The following MYO1F variants were observed in gnomAD, a reference collection of about 807,000 sequenced individuals.
The protein encoded by MYO1F is unconventional myosin-If.
In MYO1F, 60 loss-of-function variants were observed where a neutral mutation model predicts 146.6. The ratio of observed to expected loss-of-function variants is 0.41; its 90% CI spans 0.33 to 0.51. MYO1F has a LOEUF of 0.51. Among genes scored for constraint, MYO1F ranks in the 20% least tolerant of loss-of-function variants. The pLI, the probability that MYO1F is intolerant of heterozygous loss-of-function variation, is 0.25. For synonymous variants in MYO1F, 602 were observed against 602.1 expected (o/e 1.00, Z 0.00); for missense variants, 1,274 against 1,534.3 (o/e 0.83, Z 2.83).
At chr19:8,539,923 C>G in intron 16 of MYO1F, 24 bp downstream of exon 16, 1 of 1,608,378 alleles carries the variant, frequency 6.2e-7, no homozygotes, top group Non-Finnish European at 8.5e-7. Context: ...AGGCCCAGCT[C>G]CCCGTTGTAC....
At chr19:8,537,375 T>A (rs1972772325) in intron 16 of MYO1F, among the ~76,000 whole-genome samples, 1 of 152,186 alleles carries the variant, frequency 6.6e-6, no homozygotes, top group Admixed American at 6.6e-5. Context: ...ACAGAGCCCT[T>A]ATGAGAGCAT....
At chr19:8,545,208 C>T (rs1477423334) in intron 13 of MYO1F, among the ~76,000 whole-genome samples, 1 of 152,090 alleles carries the variant, frequency 6.6e-6, no homozygotes, top group African/African-American at 2.4e-5. Context: ...CCACCTCAGC[C>T]TTCCGGGTAG....
intron 1 of MYO1F, among the ~76,000 whole-genome samples, chr19:8,576,123 T>C (rs1555733770): frequency 2.6e-5 from 4 of 152,180 alleles, no homozygotes; most frequent in Admixed American, 6.5e-5. Context: ...CAGCCTCATA[T>C]GTAGCTGGGA....
At chr19:8,535,804 T>C (rs139854706) in intron 19 of MYO1F, among the ~76,000 whole-genome samples, 3,729 of 152,092 alleles carry the variant, frequency 0.025, 84 homozygotes, top group African/African-American at 0.061. Context: ...CTCAGCCTCC[T>C]GAGTAGCTGG....
rs558140748 is a variant in MYO1F, at chr19:8,576,831, T to C, written c.3+476A>G. On this transcript the variant is annotated intron_variant, in intron 1 of 27. Coordinates refer to ENST00000644032, the MANE Select transcript of MYO1F (RefSeq NM_012335.4). ...TGGCAGAACCCACAGACCTTGAGAA[T>C]GTTGCAACTGAAAGACCCCTGAAGA... The C allele has an allele frequency of 2.0e-3, 415 of 206,276 alleles. 2 individuals carry two copies. Among genetic ancestry groups the C allele is most frequent in the Non-Finnish European group, 2.5e-3 (244 of 98,912 alleles). 12.8% of individuals were successfully genotyped at this position (206,276 alleles called of 1,614,324 possible). A position where few individuals can be genotyped will look rare whatever the true frequency, so the allele number is the denominator to read the frequency against.
At chr19:8,522,226 G>GT (rs1972087906) in intron 27 of MYO1F, 151 bp downstream of exon 27, 2 of 990,508 alleles carry the variant, frequency 2.0e-6, no homozygotes, top group Admixed American at 4.0e-5. Flanking sequence ...GTTTCACTGT[G>GT]TTAGCCAGGA....
chr19:8,526,703 C>G, intron 23 of MYO1F, 86 bp downstream of exon 23: 1 of 1,531,574 alleles, frequency 6.5e-7, no homozygotes, highest in Non-Finnish European at 8.8e-7. Context: ...GGGGCCGAAG[C>G]GCAGTTCGGC....
chr19:8,551,659 G>A (rs1018131832), intron 8 of MYO1F, 81 bp downstream of exon 8: 22 of 1,603,984 alleles, frequency 1.4e-5, no homozygotes, highest in African/African-American at 1.3e-4. Context: ...CCTGGGCTTC[G>A]GTTTCCTAAT....
rs1161375442 is a variant in MYO1F, at chr19:8,522,830, C to A, written c.2855-1G>T. The A allele has an allele frequency of 6.4e-7, 1 of 1,562,222 alleles. No individual in the cohort carries two copies. The highest frequency in any genetic ancestry group is 1.9e-5 in the Admixed American group (1 of 52,926). ...GGGGGCACCCCATTGCGATCCATGC[C>A]TGTGGCAGGAGCAAGGATGAAGACA... On this transcript the variant is annotated splice_acceptor_variant, in intron 25 of 27. Coordinates refer to ENST00000644032, the MANE Select transcript of MYO1F (RefSeq NM_012335.4). LOFTEE classifies it high-confidence loss of function.
intron 6 of MYO1F, 92 bp from the exon 7 acceptor site, chr19:8,552,256 T>G: frequency 7.5e-7 from 1 of 1,331,614 alleles, no homozygotes; most frequent in African/African-American, 1.5e-5. Context: ...TTGCCTCTCT[T>G]CCCTTCTTCC....
chr19:8,544,031 G>GGTGGCGGTGGCA lies in MYO1F; in HGVS notation c.1524+265_1524+266insTGCCACCGCCAC, dbSNP rs1555724093. ...CGGTGGCGGTGGCGGTGGCGGTGGC[G>GGTGGCGGTGGCA]GTGGCGGTGCTGGTGGTGGTGGTGG... On this transcript the variant is annotated intron_variant, in intron 14 of 27. Coordinates refer to ENST00000644032, the MANE Select transcript of MYO1F (RefSeq NM_012335.4). 219 of 531,908 alleles carry GGTGGCGGTGGCA rather than the reference G, an allele frequency of 4.1e-4. 10 individuals carry two copies. Among genetic ancestry groups the GGTGGCGGTGGCA allele is most frequent in the East Asian group, 3.9e-3 (112 of 28,812 alleles). 32.9% of individuals were successfully genotyped at this position (531,908 alleles called of 1,614,324 possible).
intron 4 of MYO1F, among the ~76,000 whole-genome samples, chr19:8,553,924 G>GCTCTCTTTCT (rs1973733289): frequency 1.5e-5 from 1 of 67,098 alleles, no homozygotes; most frequent in African/African-American, 4.6e-5. Flanking sequence ...TCTCTCTCTC[G>GCTCTCTTTCT]CTCTCTTTCT....
At chr19:8,555,475 GGGA>G in intron 2 of MYO1F, 181 bp downstream of exon 2, 3 of 702,186 alleles carry the variant, frequency 4.3e-6, no homozygotes, top group Non-Finnish European at 7.2e-6. Context: ...CCAGGACAGA[GGGA>G]GCAGTGGCAG....
chr19:8,527,247 G>C lies in MYO1F; in HGVS notation c.2474+91C>G, dbSNP rs368755221. 126 of 1,557,570 alleles carry C rather than the reference G, an allele frequency of 8.1e-5. 2 individuals carry two copies. In the East Asian group the frequency reaches 1.3e-3, roughly 16 times the overall value. ...GGGCTACAGGCATGGCACCAGGTAA[G>C]ATTGTCAGGGTAACAGACGGGGTCA... On this transcript the variant is annotated intron_variant, in intron 22 of 27. Transcript: ENST00000644032.
intron 1 of MYO1F, among the ~76,000 whole-genome samples, chr19:8,561,428 T>TC (rs1301849211): frequency 1.7e-4 from 19 of 113,514 alleles, no homozygotes; most frequent in African/African-American, 5.8e-4. Flanking sequence ...CCTTCCTTTC[T>TC]CCTCTCCCTC....
rs59301382 is a variant in MYO1F, at chr19:8,555,469, G to A, written c.141+190C>T. On this transcript the variant is annotated intron_variant, in intron 2 of 27. Coordinates refer to ENST00000644032, the MANE Select transcript of MYO1F (RefSeq NM_012335.4). ...ACACGCTGGGGCTGAGCTTCCCCAG[G>A]ACAGAGGGAGCAGTGGCAGCCACAG... 2.5e-3 allele frequency: 1,625 copies of A among 649,998 alleles called. 21 individuals are homozygous for A. The African/African-American group carries it at 0.027, about 11-fold the overall frequency. The allele number at this position is 649,998 out of a possible 1,614,324, so 40.3% of individuals were successfully genotyped here. A position where few individuals can be genotyped will look rare whatever the true frequency, so the allele number is the denominator to read the frequency against.
intron 25 of MYO1F, among the ~76,000 whole-genome samples, chr19:8,523,477 A>G (rs927717087): frequency 1.3e-5 from 2 of 151,690 alleles, no homozygotes; most frequent in African/African-American, 4.8e-5. Flanking sequence ...TTTTAAGGGG[A>G]GCTGGGACTA....
intron 12 of MYO1F, 111 bp from the exon 13 acceptor site, chr19:8,545,847 C>A: frequency 1.2e-6 from 1 of 810,618 alleles, no homozygotes; most frequent in East Asian, 2.5e-5. Context: ...TCTCTGGTAA[C>A]AAAGCCCGTC....
At chr19:8,523,269 G>A (rs113189372) in intron 25 of MYO1F, among the ~76,000 whole-genome samples, 1 of 152,106 alleles carries the variant, frequency 6.6e-6, no homozygotes. Context: ...TCCTGACCTT[G>A]TGATCCGCCC....
Sources: allele counts gnomAD v4.1 joint callset (sites outside exome capture counted in the v4.1 genomes callset), GRCh38; gene constraint gnomAD v4.1.1; transcripts MANE v1.5; gene names NCBI Gene and HGNC (gene_info 2026-07-23, HGNC 2026-07-21).